SMTNL1: variants seen among roughly 807,000 people sequenced by gnomAD.
SMTNL1 encodes smoothelin like 1, also known as smoothelin-like protein 1.
A neutral mutation model predicts 46.6 loss-of-function variants in SMTNL1; 41 were observed. The ratio of observed to expected loss-of-function variants is 0.88; its 90% CI spans 0.69 to 1.14. The LOEUF is 1.14. Ranked by LOEUF, SMTNL1 falls within the 50% of genes most tolerant of loss-of-function variation. The pLI is 0.00. For synonymous variants in SMTNL1, 234 were observed against 234.2 expected (o/e 1.00, Z 0.01); for missense variants, 591 against 626.1 (o/e 0.94, Z 0.60).
At chr11:57,539,350 CT>C (rs772833012) in intron 1 of SMTNL1, among the ~76,000 whole-genome samples, 19 of 152,172 alleles carry the variant, frequency 1.2e-4, no homozygotes, top group Non-Finnish European at 2.4e-4. Flanking sequence ...GAGTAAGACC[CT>C]GTCTCTTAAA....
At chr11:57,544,102 G>A (rs140687914) in intron 4 of SMTNL1, among the ~76,000 whole-genome samples, 182 bp downstream of exon 4, 12 of 152,362 alleles carry the variant, frequency 7.9e-5, no homozygotes, top group Admixed American at 3.3e-4. Flanking sequence ...AGGCATGGTC[G>A]GCTGCAGTGG....
In SMTNL1 at chr11:57,541,007, C is replaced by T. The variant is rs116876081; in HGVS notation, c.-2-1634C>T. ...TACAGGTGTGATCCACCATGCCCGG[C>T]GTCATCTTCCCTCTTACTTTAAGAC... On this transcript the variant is annotated intron_variant, in intron 1 of 7. Transcript: ENST00000527972. Among the ~76,000 whole-genome samples the T allele has an allele frequency of 4.2e-4, 64 of 152,266 alleles. 1 individual carries two copies. In the East Asian group the frequency reaches 0.011, roughly 27 times the overall value.
intron 4 of SMTNL1, 146 bp from the exon 5 acceptor site, chr11:57,545,735 T>C (rs1259295353): frequency 1.7e-5 from 13 of 771,604 alleles, no homozygotes; most frequent in Non-Finnish European, 2.4e-5. Flanking sequence ...CACGATTCCT[T>C]CTCAATGTCC....
intron 7 of SMTNL1, among the ~76,000 whole-genome samples, chr11:57,547,026 C>A (rs933420348): frequency 6.6e-6 from 1 of 151,942 alleles, no homozygotes. Flanking sequence ...CCCAGCTATT[C>A]GGGAGGCTGA....
chr11:57,546,108 G>A (rs1944920627), intron 5 of SMTNL1, 72 bp downstream of exon 5: 2 of 1,527,120 alleles, frequency 1.3e-6, no homozygotes, highest in Non-Finnish European at 1.8e-6. Context: ...GTGGCCTCAG[G>A]GGCAGTGGGA....
chr11:57,538,998 G>A (rs1044618805), intron 1 of SMTNL1, among the ~76,000 whole-genome samples: 1 of 152,032 alleles, frequency 6.6e-6, no homozygotes, highest in African/African-American at 2.4e-5. Context: ...GTCCGTGTGC[G>A]TGCACCTACC....
intron 7 of SMTNL1, among the ~76,000 whole-genome samples, chr11:57,547,998 T>A (rs1944933798): frequency 6.6e-6 from 1 of 152,200 alleles, no homozygotes; most frequent in South Asian, 2.1e-4. Context: ...CCCCCGGGGT[T>A]GTGTTGCTCA....
At chr11:57,543,476 G>C in intron 2 of SMTNL1, 102 bp downstream of exon 2, 1 of 1,526,832 alleles carries the variant, frequency 6.5e-7, no homozygotes, top group Non-Finnish European at 8.8e-7. Context: ...TTTTCCTCCT[G>C]ATGATTTCCA....
rs1224956629 is a variant in SMTNL1 at position 57,548,473 on chromosome 11, CAG to C, written c.1341-1494_1341-1493del. Among the ~76,000 whole-genome samples, 4 of 152,258 alleles carry C rather than the reference CAG, an allele frequency of 2.6e-5. No homozygotes were observed. In the East Asian group the frequency reaches 7.7e-4, roughly 29 times the overall value. ...TCACTTGAGGTCAGGAGTTCAAGAT[CAG>C]CCTGGCCAACATGGTGAAACCTTGT... On this transcript the variant is annotated intron_variant, in intron 7 of 7. Transcript: ENST00000527972.
intron 7 of SMTNL1, 108 bp from the exon 8 acceptor site, chr11:57,549,860 C>T: frequency 8.4e-7 from 1 of 1,195,040 alleles, no homozygotes; most frequent in Non-Finnish European, 1.2e-6. Flanking sequence ...CCCAACATCC[C>T]AGCCCATCCT....
At chr11:57,544,940 G>A (rs777492409) in intron 4 of SMTNL1, among the ~76,000 whole-genome samples, 1 of 151,380 alleles carries the variant, frequency 6.6e-6, no homozygotes, top group Non-Finnish European at 1.5e-5. Flanking sequence ...GGGTTCAAGC[G>A]ATTCTCCTGC....
chr11:57,546,186 G>A (rs2649658), intron 5 of SMTNL1, 47 bp from the exon 6 acceptor site: 678,803 of 1,529,756 alleles, frequency 0.44, 153,247 homozygotes, highest in East Asian at 0.69. Flanking sequence ...GGCCCTTCAT[G>A]GCCTCCTGCC....
chr11:57,549,831 G>C, intron 7 of SMTNL1, 137 bp from the exon 8 acceptor site: 1 of 873,960 alleles, frequency 1.1e-6, no homozygotes, highest in East Asian at 2.5e-5. Flanking sequence ...GGGATGATTG[G>C]CTTAGATGAT....
intron 4 of SMTNL1, among the ~76,000 whole-genome samples, chr11:57,544,983 C>T (rs555358455): frequency 2.0e-5 from 3 of 152,032 alleles, no homozygotes; most frequent in East Asian, 1.9e-4. Flanking sequence ...ATTATATGTG[C>T]GCGCCACCAC....
At chr11:57,538,968 G>T (rs935213875) in intron 1 of SMTNL1, among the ~76,000 whole-genome samples, 4 of 152,260 alleles carry the variant, frequency 2.6e-5, no homozygotes, top group African/African-American at 9.6e-5. Flanking sequence ...TGATAAACAC[G>T]CAGGATAGCC....
chr11:57,541,845 G>A (rs1423235978), intron 1 of SMTNL1, among the ~76,000 whole-genome samples: 1 of 152,120 alleles, frequency 6.6e-6, no homozygotes, highest in Non-Finnish European at 1.5e-5. Flanking sequence ...TCACTTACCA[G>A]AGATAGAAAG....
rs376561758 is a variant in SMTNL1 at position 57,549,054 on chromosome 11, A to G, written c.1341-914A>G. Among the ~76,000 whole-genome samples, 5 of 143,948 alleles carry G rather than the reference A, an allele frequency of 3.5e-5. No individual in the cohort carries two copies. In the East Asian group the frequency reaches 8.0e-4, roughly 23 times the overall value. The allele number at this position is 143,948 out of a possible 152,430, so 94.4% of individuals were successfully genotyped here. On this transcript the variant is annotated intron_variant, in intron 7 of 7. Coordinates refer to ENST00000527972, the MANE Select transcript of SMTNL1 (RefSeq NM_001105565.3). ...CTTTTTTTTTTTTTTGAGACAGAGTATCACTCTGTTGCCCAGGCAGGAGTG... is the reference window on the plus strand; with the variant it reads ...CTTTTTTTTTTTTTTGAGACAGAGTGTCACTCTGTTGCCCAGGCAGGAGTG...
In SMTNL1 at chr11:57,546,584, C is replaced by T; in HGVS notation, c.1272C>T (p.Ala424=). ...CALIHKFFPD[A]FDYAELDPAK... is the part of the protein sequence containing the mutation. The stretch of plus-strand genomic sequence containing the variant: ...TCATCCACAAGTTCTTCCCTGACGC[C>T]TTTGACTACGCAGAGCTGGATCCCG... Residue 424 remains alanine, a synonymous_variant, in exon 7 of 8, where the codon GCC becomes GCT. Coordinates refer to ENST00000527972, the MANE Select transcript of SMTNL1 (RefSeq NM_001105565.3). The T allele has an allele frequency of 6.2e-7, 1 of 1,614,144 alleles. No individual in the cohort carries two copies. The highest frequency in any genetic ancestry group is 8.5e-7 in the Non-Finnish European group (1 of 1,179,978).
chr11:57,546,000 C>A lies in SMTNL1; in HGVS notation c.1037C>A (p.Ala346Glu). The A allele has an allele frequency of 6.2e-7, 1 of 1,600,938 alleles. No homozygotes were observed. The change falls in exon 5 of 8, where the codon GCA (alanine) becomes GAA (glutamate). Residue 346 changes from alanine to glutamate, a missense_variant. Transcript: ENST00000527972. ...SAPARPRGPR[A>E]QNRKAIVDKF... is the part of the protein sequence containing the mutation. ...CCTGCTCGGCCCCGGGGGCCCCGGGCACAGAACCGCAAAGCCATCGTGGAC... is the reference window on the plus strand; with the variant it reads ...CCTGCTCGGCCCCGGGGGCCCCGGGAACAGAACCGCAAAGCCATCGTGGAC...
Sources: allele counts gnomAD v4.1 joint callset (sites outside exome capture counted in the v4.1 genomes callset), GRCh38; gene constraint gnomAD v4.1.1; transcripts MANE v1.5; gene names NCBI Gene and HGNC (gene_info 2026-07-23, HGNC 2026-07-21).